DDX10: variants seen among roughly 807,000 people sequenced by gnomAD.
DDX10 encodes DEAD-box helicase 10, also known as probable ATP-dependent RNA helicase DDX10.
A neutral mutation model predicts 104.3 loss-of-function variants in DDX10; 74 were observed. The observed-to-expected ratio is 0.71, with a 90% CI of 0.59 to 0.86. The LOEUF (loss-of-function observed/expected upper bound fraction) is 0.86, where lower values mean the gene tolerates loss of function less well. DDX10 is among the 40% of genes least tolerant of loss of function. The pLI is 0.00. For synonymous variants in DDX10, 351 were observed against 353.4 expected, an observed-to-expected ratio of 0.99 and a Z score of 0.08; for missense variants, 952 against 1,040.0, an observed-to-expected ratio of 0.92 and a Z score of 1.16.
At chr11:108,925,719 A>G (rs1863899380) in intron 17 of DDX10, among the ~76,000 whole-genome samples, 1 of 152,144 alleles carries the variant, frequency 6.6e-6, no homozygotes, top group African/African-American at 2.4e-5. Context: ...TTATTTTGTT[A>G]TTACAAGTAA....
At chr11:108,838,323 C>T (rs756585214) in intron 13 of DDX10, 123 bp from the exon 14 acceptor site, 5 of 1,006,606 alleles carry the variant, frequency 5.0e-6, no homozygotes, top group Admixed American at 3.0e-5. Flanking sequence ...GTTTTCAATG[C>T]TTCTCATTAG....
intron 6 of DDX10, among the ~76,000 whole-genome samples, chr11:108,680,812 G>A (rs1349382899): frequency 6.6e-6 from 1 of 152,170 alleles, no homozygotes; most frequent in Non-Finnish European, 1.5e-5. Context: ...CTTGTATAAT[G>A]TATGTCTAGG....
intron 13 of DDX10, among the ~76,000 whole-genome samples, chr11:108,821,001 A>G (rs927928187): frequency 6.6e-6 from 1 of 152,252 alleles, no homozygotes; most frequent in African/African-American, 2.4e-5. Context: ...AGCTCAACTT[A>G]GTTCCACAAA....
At chr11:108,926,291 C>A (rs1361570978) in intron 17 of DDX10, among the ~76,000 whole-genome samples, 1 of 124,776 alleles carries the variant, frequency 8.0e-6, no homozygotes, top group East Asian at 2.4e-4. Flanking sequence ...GTAGCACAGA[C>A]ACTCCCATGC....
chr11:108,800,654 C>G (rs1862008531), intron 13 of DDX10, among the ~76,000 whole-genome samples: 1 of 152,064 alleles, frequency 6.6e-6, no homozygotes, highest in African/African-American at 2.4e-5. Context: ...TCTTGTTGAT[C>G]AATTGACAAT....
intron 16 of DDX10, among the ~76,000 whole-genome samples, chr11:108,902,034 C>G (rs7940937): frequency 0.022 from 3,311 of 152,190 alleles, 119 homozygotes; most frequent in African/African-American, 0.073. Context: ...AAAGATGATA[C>G]TCAGACATAA....
chr11:108,894,461 A>G (rs764534109), intron 16 of DDX10, among the ~76,000 whole-genome samples: 7 of 152,032 alleles, frequency 4.6e-5, no homozygotes, highest in Non-Finnish European at 1.0e-4. Context: ...ATTGCTTGTT[A>G]TGTGCTACAG....
chr11:108,938,817 C>T lies in DDX10; in HGVS notation c.2451-1429C>T, dbSNP rs1272010611. ...AATGGAGGAATTATTTCCAGTTTTG[C>T]ATCAAGCTGGTCATAAATGGATATG... On this transcript the variant is annotated intron_variant, in intron 17 of 17. Transcript: ENST00000322536. Among the ~76,000 whole-genome samples the T allele has an allele frequency of 2.0e-5, 3 of 152,110 alleles. No individual in the cohort carries two copies. The East Asian group carries it at 5.8e-4, about 29-fold the overall frequency.
intron 16 of DDX10, among the ~76,000 whole-genome samples, chr11:108,896,814 A>G (rs1461803534): frequency 1.3e-5 from 2 of 152,076 alleles, no homozygotes; most frequent in Non-Finnish European, 1.5e-5. Flanking sequence ...TGATAGTGAC[A>G]TTGTCTGGCC....
intron 17 of DDX10, among the ~76,000 whole-genome samples, chr11:108,929,218 A>G (rs1863946633): frequency 1.3e-5 from 2 of 152,214 alleles, no homozygotes; most frequent in Admixed American, 1.3e-4. Flanking sequence ...GAGACAGACC[A>G]TAAGGAAGTA....
chr11:108,911,714 G>A (rs1191348793), intron 16 of DDX10, among the ~76,000 whole-genome samples: 1 of 151,788 alleles, frequency 6.6e-6, no homozygotes, highest in Non-Finnish European at 1.5e-5. Context: ...AACTATAGGA[G>A]CGTGTCACCA....
At chr11:108,822,924 T>C (rs1229287190) in intron 13 of DDX10, among the ~76,000 whole-genome samples, 1 of 152,158 alleles carries the variant, frequency 6.6e-6, no homozygotes, top group East Asian at 1.9e-4. Flanking sequence ...TAAGATGAAA[T>C]ATAAGATAGA....
intron 13 of DDX10, among the ~76,000 whole-genome samples, chr11:108,793,129 C>G (rs1397009990): frequency 3.3e-5 from 5 of 152,152 alleles, no homozygotes; most frequent in Non-Finnish European, 7.3e-5. Flanking sequence ...TCTAGAGGGA[C>G]TGAGCATGAC....
intron 14 of DDX10, 43 bp downstream of exon 14, chr11:108,838,608 T>G: frequency 6.4e-7 from 1 of 1,567,432 alleles, no homozygotes; most frequent in Non-Finnish European, 8.6e-7. Context: ...GCATTTGGAG[T>G]ATTAGAAGAG....
At chr11:108,755,977 C>G (rs891248558) in intron 13 of DDX10, among the ~76,000 whole-genome samples, 1 of 151,692 alleles carries the variant, frequency 6.6e-6, no homozygotes, top group Non-Finnish European at 1.5e-5. Context: ...TTCCCTCTTT[C>G]CCTCTTTCCC....
Position 108,680,840 on chromosome 11 carries a change from C to T in DDX10, c.848+1280C>T, listed in dbSNP as rs192342513. ...TGTCTAGGATTTAAAAAGCCTGAGA[C>T]GAAGAGGCCAGATTCTTTGCTTCTG... On this transcript the variant is annotated intron_variant, in intron 6 of 17. Coordinates refer to ENST00000322536, the MANE Select transcript of DDX10 (RefSeq NM_004398.4). Among the ~76,000 whole-genome samples the T allele has an allele frequency of 2.6e-3, 400 of 152,214 alleles. 1 individual carries two copies. The highest frequency in any genetic ancestry group is 2.3e-3 in the Non-Finnish European group (159 of 68,022).
Position 108,841,490 on chromosome 11 carries a change from C to G in DDX10, c.2247+14C>G, listed in dbSNP as rs1340057357. 2.5e-6 allele frequency: 4 copies of G among 1,611,934 alleles called. No homozygotes were observed. The highest frequency in any genetic ancestry group is 3.4e-6 in the Non-Finnish European group (4 of 1,178,816). On this transcript the variant is annotated intron_variant, in intron 15 of 17. Coordinates refer to ENST00000322536, the MANE Select transcript of DDX10 (RefSeq NM_004398.4). Reference sequence around the variant, plus strand: ...GCAAAGCATCGGGTAAGCTTTCCATCTTGAATTCATACTGAGTAAAATTTA... The same window carrying G: ...GCAAAGCATCGGGTAAGCTTTCCATGTTGAATTCATACTGAGTAAAATTTA...
chr11:108,841,189 A>T (rs1464667033), intron 14 of DDX10, 126 bp from the exon 15 acceptor site: 2 of 736,288 alleles, frequency 2.7e-6, no homozygotes, highest in African/African-American at 1.8e-5. Flanking sequence ...AAGATTAAAT[A>T]ATACAGATTA....
intron 16 of DDX10, among the ~76,000 whole-genome samples, chr11:108,892,275 C>T (rs1416164263): frequency 6.6e-6 from 1 of 152,040 alleles, no homozygotes; most frequent in Admixed American, 6.6e-5. Flanking sequence ...CTGGCACCTC[C>T]CTCCCTCTTT....
Sources: allele counts gnomAD v4.1 joint callset (sites outside exome capture counted in the v4.1 genomes callset), GRCh38; gene constraint gnomAD v4.1.1; transcripts MANE v1.5; gene names NCBI Gene and HGNC (gene_info 2026-07-23, HGNC 2026-07-21).